The following PAK5 variants were observed in gnomAD, a reference collection of about 807,000 sequenced individuals.
The protein encoded by PAK5 is serine/threonine-protein kinase PAK 5.
PAK5 carries 16 observed loss-of-function variants against 65.9 expected under a neutral mutation model. The ratio of observed to expected loss-of-function variants is 0.24; its 90% CI spans 0.16 to 0.37. The LOEUF (loss-of-function observed/expected upper bound fraction) is 0.37. PAK5 is among the 10% of genes least tolerant of loss of function. The pLI is 1.00. For synonymous variants in PAK5, 371 were observed against 354.9 expected, an observed-to-expected ratio of 1.05 and a Z score of -0.51; for missense variants, 785 against 903.9, an observed-to-expected ratio of 0.87 and a Z score of 1.69.
chr20:9,774,077 T>A (rs558004656), intron 1 of PAK5, among the ~76,000 whole-genome samples: 26 of 152,256 alleles, frequency 1.7e-4, no homozygotes, highest in Non-Finnish European at 1.9e-4. Flanking sequence ...CCGCTTACTA[T>A]GGTAAATGCT....
intron 2 of PAK5, among the ~76,000 whole-genome samples, chr20:9,684,588 G>A (rs1177151331): frequency 3.3e-5 from 5 of 151,990 alleles, no homozygotes; most frequent in African/African-American, 7.3e-5. Flanking sequence ...CCTTCCTCCC[G>A]GGGACATTTA....
intron 2 of PAK5, among the ~76,000 whole-genome samples, chr20:9,648,917 C>A (rs2123291232): frequency 6.6e-6 from 1 of 152,214 alleles, no homozygotes; most frequent in South Asian, 2.1e-4. Flanking sequence ...CAAACTGTGT[C>A]ACTGAGCAGG....
chr20:9,557,565 G>A (rs376215994), intron 7 of PAK5, 43 bp downstream of exon 7: 7 of 1,556,696 alleles, frequency 4.5e-6, no homozygotes, highest in Admixed American at 1.9e-5. Flanking sequence ...GACAGACAGA[G>A]TGACAAGAAA....
intron 2 of PAK5, among the ~76,000 whole-genome samples, chr20:9,687,294 A>C (rs1440713835): frequency 6.6e-6 from 1 of 152,218 alleles, no homozygotes; most frequent in East Asian, 1.9e-4. Flanking sequence ...ATACAGTGCC[A>C]AGATTCTCAT....
chr20:9,810,310 T>A (rs1425549543), intron 1 of PAK5, among the ~76,000 whole-genome samples: 2 of 152,188 alleles, frequency 1.3e-5, no homozygotes, highest in African/African-American at 2.4e-5. Context: ...TTGTGGCTCA[T>A]GCCTGTAGTC....
intron 1 of PAK5, among the ~76,000 whole-genome samples, chr20:9,723,275 C>T (rs139685167): frequency 3.9e-5 from 6 of 152,178 alleles, no homozygotes; most frequent in East Asian, 1.9e-4. Flanking sequence ...AACAGTGAGA[C>T]GTGGTTCAAT....
chr20:9,542,467 G>C lies in PAK5; in HGVS notation c.2004+119C>G, dbSNP rs183560310. The C allele has an allele frequency of 4.0e-6, 4 of 1,003,704 alleles. No homozygotes were observed. In the Admixed American group the frequency reaches 6.8e-5, roughly 17 times the overall value. 62.2% of individuals were successfully genotyped at this position (1,003,704 alleles called of 1,614,324 possible). On this transcript the variant is annotated intron_variant, in intron 9 of 9. Transcript: ENST00000353224. ...TCAAACCTAAGTGACTATTTCCAAA[G>C]TCCATGCTCATAAACCAGGATCTTC...
chr20:9,616,427 C>T (rs1410095032), intron 3 of PAK5, among the ~76,000 whole-genome samples: 5 of 152,192 alleles, frequency 3.3e-5, no homozygotes, highest in Admixed American at 1.3e-4. Flanking sequence ...GCTGGAAACA[C>T]GGCAAAGACA....
intron 2 of PAK5, among the ~76,000 whole-genome samples, chr20:9,706,863 C>A (rs2048015087): frequency 6.6e-6 from 1 of 152,020 alleles, no homozygotes; most frequent in Non-Finnish European, 1.5e-5. Flanking sequence ...TATTACCACA[C>A]CTGACTGTCC....
At chr20:9,827,052 T>C (rs1978335605) in intron 1 of PAK5, among the ~76,000 whole-genome samples, 1 of 152,210 alleles carries the variant, frequency 6.6e-6, no homozygotes, top group Non-Finnish European at 1.5e-5. Context: ...GGAATTTTTT[T>C]TCTTTCTCCA....
chr20:9,792,029 TC>T (rs1340833221), intron 1 of PAK5, among the ~76,000 whole-genome samples: 1 of 152,204 alleles, frequency 6.6e-6, no homozygotes, highest in African/African-American at 2.4e-5. Context: ...ATATCATTGT[TC>T]TTATTTATTG....
intron 1 of PAK5, among the ~76,000 whole-genome samples, chr20:9,758,697 T>G (rs1215843713): frequency 6.6e-6 from 1 of 152,168 alleles, no homozygotes; most frequent in African/African-American, 2.4e-5. Context: ...GGAGTCTAGG[T>G]TGTTAAATAT....
intron 1 of PAK5, among the ~76,000 whole-genome samples, chr20:9,761,180 C>T (rs2048695187): frequency 6.6e-6 from 1 of 151,992 alleles, no homozygotes; most frequent in African/African-American, 2.4e-5. Flanking sequence ...CACTGTTTTT[C>T]AAAGAAAAAT....
intron 2 of PAK5, among the ~76,000 whole-genome samples, chr20:9,701,172 C>A (rs1320061018): frequency 3.9e-5 from 6 of 152,190 alleles, no homozygotes; most frequent in Admixed American, 3.3e-4. Context: ...ACATTTCTCT[C>A]TATATATATA....
intron 3 of PAK5, among the ~76,000 whole-genome samples, chr20:9,619,120 G>A (rs537592922): frequency 2.0e-5 from 3 of 150,952 alleles, no homozygotes; most frequent in South Asian, 4.2e-4. Flanking sequence ...ACAGGGTTTC[G>A]CCTTGTTGCC....
chr20:9,565,237 G>T (rs1330851666), intron 5 of PAK5, among the ~76,000 whole-genome samples: 1 of 151,956 alleles, frequency 6.6e-6, no homozygotes, highest in Admixed American at 6.6e-5. Flanking sequence ...AAAGAAATTT[G>T]TAAACAGAAA....
Position 9,770,802 on chromosome 20 carries a change from C to A in PAK5, c.-161-59367G>T, listed in dbSNP as rs540172970. On this transcript the variant is annotated intron_variant, in intron 1 of 9. Coordinates refer to ENST00000353224, the MANE Select transcript of PAK5 (RefSeq NM_177990.4). ...TTGAAGAATCGTTGGAGTTGAGGCC[C>A]TAAAGGAAATATGAGCCCTCAAGAA... Among the ~76,000 whole-genome samples the A allele has an allele frequency of 7.9e-5, 12 of 152,182 alleles. No homozygotes were observed. In the South Asian group the frequency reaches 2.3e-3, roughly 29 times the overall value.
intron 1 of PAK5, among the ~76,000 whole-genome samples, chr20:9,719,748 G>A (rs1175336690): frequency 6.6e-6 from 1 of 151,916 alleles, no homozygotes; most frequent in Non-Finnish European, 1.5e-5. Context: ...TCTGCCTCTG[G>A]GCTTCCTCAT....
At chr20:9,661,204 T>C (rs972644721) in intron 2 of PAK5, among the ~76,000 whole-genome samples, 11 of 152,122 alleles carry the variant, frequency 7.2e-5, no homozygotes, top group African/African-American at 2.7e-4. Flanking sequence ...TGTAATTAAG[T>C]GATTGTATGG....
Sources: gnomAD v4.1 joint callset for allele counts (sites outside exome capture counted in the v4.1 genomes callset) on GRCh38, gnomAD v4.1.1 for gene constraint, MANE v1.5 for transcripts, NCBI Gene and HGNC (gene_info 2026-07-23, HGNC 2026-07-21) for gene names.